WDHD1: variants seen among roughly 807,000 people sequenced by gnomAD.
WDHD1 encodes WD repeat and HMG-box DNA binding protein 1, also known as WD repeat and HMG-box DNA-binding protein 1.
A neutral mutation model predicts 135.4 loss-of-function variants in WDHD1; 111 were observed. That is an observed-to-expected ratio of 0.82 (90% CI 0.70 to 0.96). WDHD1 has a LOEUF of 0.96. Among genes scored for constraint, WDHD1 ranks in the 40% least tolerant of loss-of-function variants. WDHD1 has a pLI of 0.00. For missense variants in WDHD1, 1,351 were observed against 1,336.3 expected, an observed-to-expected ratio of 1.01 and a Z score of -0.17; for synonymous variants, 434 against 439.0, an observed-to-expected ratio of 0.99 and a Z score of 0.14.
At chr14:54,990,838 T>C (rs191158975) in intron 12 of WDHD1, among the ~76,000 whole-genome samples, 3 of 152,312 alleles carry the variant, frequency 2.0e-5, no homozygotes, top group East Asian at 3.9e-4. Context: ...ATTATACTAG[T>C]AGTTGCCTTC....
intron 2 of WDHD1, among the ~76,000 whole-genome samples, chr14:55,016,292 G>C (rs188933221): frequency 1.3e-4 from 20 of 152,192 alleles, no homozygotes; most frequent in African/African-American, 4.1e-4. Flanking sequence ...CCTTTCAGTG[G>C]TAATGAGCTA....
rs866054556 is a variant in WDHD1 at position 55,000,654 on chromosome 14, A to G, written c.801-10T>C. 4 of 1,528,238 alleles carry G rather than the reference A, an allele frequency of 2.6e-6. No individual in the cohort carries two copies. In the African/African-American group the frequency reaches 5.6e-5, roughly 21 times the overall value. The allele number at this position is 1,528,238 out of a possible 1,614,324, so 94.7% of individuals were successfully genotyped here. A position where few individuals can be genotyped will look rare whatever the true frequency, so the allele number is the denominator to read the frequency against. On this transcript the variant is annotated splice_polypyrimidine_tract_variant and intron_variant, in intron 9 of 25. Transcript: ENST00000360586. ...TTTCTCATGTTTCACCCTAAAAATT[A>G]AAAAGTAGGTTCTAAAAATACTGTC...
At chr14:54,996,490 C>T (rs559358504) in intron 10 of WDHD1, among the ~76,000 whole-genome samples, 1 of 152,214 alleles carries the variant, frequency 6.6e-6, no homozygotes, top group East Asian at 1.9e-4. Flanking sequence ...GTCCCAGCTA[C>T]CTGCGAGGCT....
intron 23 of WDHD1, among the ~76,000 whole-genome samples, 198 bp downstream of exon 23, chr14:54,956,836 C>T (rs143168095): frequency 1.8e-3 from 270 of 152,232 alleles, no homozygotes; most frequent in Middle Eastern, 6.8e-3. Flanking sequence ...GTGATCCTCC[C>T]ACCTCAGCCT....
Position 54,969,318 on chromosome 14 carries a change from G to A in WDHD1, c.2064-1924C>T, listed in dbSNP as rs187792504. 9.3e-3 allele frequency among the ~76,000 whole-genome samples: 1,364 copies of A among 146,588 alleles called. 6 individuals carry two copies. Among genetic ancestry groups the A allele is most frequent in the Non-Finnish European group, 0.014 (923 of 67,284 alleles). ...TGGGATTACAGGCGTGAGCCACCGC[G>A]CCCAGCATTAAGACTCCGTTTCAAG... On this transcript the variant is annotated intron_variant, in intron 16 of 25. Coordinates refer to ENST00000360586, the MANE Select transcript of WDHD1 (RefSeq NM_007086.4).
intron 11 of WDHD1, among the ~76,000 whole-genome samples, chr14:54,992,858 A>C (rs2041813940): frequency 6.6e-6 from 1 of 152,188 alleles, no homozygotes; most frequent in Non-Finnish European, 1.5e-5. Flanking sequence ...GGTTACAGTG[A>C]GGTGTGATGA....
intron 16 of WDHD1, among the ~76,000 whole-genome samples, chr14:54,974,418 G>A (rs1280671726): frequency 1.3e-5 from 2 of 149,012 alleles, no homozygotes; most frequent in African/African-American, 2.5e-5. Flanking sequence ...GGGCAACAGA[G>A]AGAGATTCTG....
At chr14:54,979,914 T>A (rs527765013) in intron 16 of WDHD1, among the ~76,000 whole-genome samples, 90 of 152,352 alleles carry the variant, frequency 5.9e-4, no homozygotes, top group African/African-American at 2.1e-3. Flanking sequence ...ACTTAACACA[T>A]CTTGCAGATT....
chr14:54,954,165 A>G (rs1360901486), intron 24 of WDHD1, among the ~76,000 whole-genome samples: 1 of 151,924 alleles, frequency 6.6e-6, no homozygotes, highest in Non-Finnish European at 1.5e-5. Context: ...GTATGCCTGC[A>G]ATCCCAGCTA....
In WDHD1 at chr14:55,000,567, G is replaced by A. The variant is rs774828027; in HGVS notation, c.878C>T (p.Ala293Val). The A allele has an allele frequency of 1.1e-5, 17 of 1,608,980 alleles. No homozygotes were observed. The Middle Eastern group carries it at 5.0e-4, about 47-fold the overall frequency. The change falls in exon 10 of 26, where the codon GCG becomes GTG. Residue 293 changes from alanine to valine, a missense_variant. Physicochemically the swap from Ala to Val is moderately conservative, Grantham distance 64 (BLOSUM62 0). This residue lies in a region of WDHD1 where 1,330 missense variants were observed against 1,296.1 expected (regional missense o/e 1.03). Coordinates refer to ENST00000360586, the MANE Select transcript of WDHD1 (RefSeq NM_007086.4). ...CTCTAGAAGCCCTAGATTTCCTTCC[G>A]CATCAGTATACGATATTCGACCACA... ...PTCGRISYTD[A>V]EGNLGLLENV...
At chr14:54,987,443 T>C (rs1796631077) in intron 13 of WDHD1, 56 bp from the exon 14 acceptor site, 1 of 1,406,424 alleles carries the variant, frequency 7.1e-7, no homozygotes, top group Admixed American at 2.1e-5. Flanking sequence ...TTTACATATA[T>C]ATATATATAA....
At chr14:54,972,277 CA>C (rs1201910146) in intron 16 of WDHD1, among the ~76,000 whole-genome samples, 86 of 113,174 alleles carry the variant, frequency 7.6e-4, no homozygotes, top group Admixed American at 1.3e-3. Flanking sequence ...TCGGTCTCAC[CA>C]AAAAAAAAAA....
chr14:54,968,832 G>C (rs1055279559), intron 16 of WDHD1, among the ~76,000 whole-genome samples: 2 of 152,132 alleles, frequency 1.3e-5, no homozygotes, highest in African/African-American at 2.4e-5. Flanking sequence ...CTTGAGGTCA[G>C]AAGTTTGACA....
chr14:54,979,893 G>T (rs958747672), intron 16 of WDHD1, among the ~76,000 whole-genome samples: 2 of 152,008 alleles, frequency 1.3e-5, no homozygotes, highest in Non-Finnish European at 2.9e-5. Flanking sequence ...TACACAAATG[G>T]TATTTATTTC....
intron 2 of WDHD1, among the ~76,000 whole-genome samples, chr14:55,020,640 C>T (rs1008462592): frequency 2.6e-5 from 4 of 152,042 alleles, no homozygotes; most frequent in African/African-American, 9.7e-5. Context: ...TTAGCCAGAA[C>T]CTCAACCCTG....
rs1366168911 is a variant in WDHD1, at chr14:55,026,813, T to G, written c.-16-10A>C. ...GTTTTCCTTTACCTATCTGAAAATG[T>G]TTTATAAAAGCCAGTCTTATTATTT... On this transcript the variant is annotated splice_polypyrimidine_tract_variant and intron_variant, in intron 1 of 25. Coordinates refer to ENST00000360586, the MANE Select transcript of WDHD1 (RefSeq NM_007086.4). 2 of 1,612,808 alleles carry G rather than the reference T, an allele frequency of 1.2e-6. No homozygotes were observed. The highest frequency in any genetic ancestry group is 3.3e-5 in the Admixed American group (2 of 60,004).
At chr14:54,985,788 A>G (rs2041685992) in intron 14 of WDHD1, among the ~76,000 whole-genome samples, 1 of 152,218 alleles carries the variant, frequency 6.6e-6, no homozygotes, top group Non-Finnish European at 1.5e-5. Flanking sequence ...GTGTTATTCC[A>G]TAGAATTGAC....
rs190711008 is a variant in WDHD1 at position 55,008,885 on chromosome 14, C to A, written c.342-166G>T. On this transcript the variant is annotated intron_variant, in intron 4 of 25. Transcript: ENST00000360586. ...GTGCGATCTCAACTGCAACCTCCGC[C>A]TCCCAGGTTCAAGCGATTCTCCTGC... Among the ~76,000 whole-genome samples the A allele has an allele frequency of 2.2e-3, 328 of 152,142 alleles. 2 individuals carry two copies. The highest frequency in any genetic ancestry group is 7.4e-3 in the African/African-American group (309 of 41,498).
At position 54,963,189 on chromosome 14, in the gene WDHD1, G is replaced by A. The variant is rs768807330; in HGVS notation, c.2311-17C>T. ...ACAAGAAAGCTAATCCAAAAAGGGG[G>A]GGGGGGGGGAGATCAAATAACATCA... On this transcript the variant is annotated splice_polypyrimidine_tract_variant and intron_variant, in intron 18 of 25. Coordinates refer to ENST00000360586, the MANE Select transcript of WDHD1 (RefSeq NM_007086.4). 5.9e-5 allele frequency: 57 copies of A among 966,494 alleles called. 2 individuals carry two copies. Among genetic ancestry groups the A allele is most frequent in the Admixed American group, 4.5e-4 (22 of 49,080 alleles). The allele number at this position is 966,494 out of a possible 1,614,324, so 59.9% of individuals were successfully genotyped here.
Sources: gnomAD v4.1 joint callset for allele counts (sites outside exome capture counted in the v4.1 genomes callset) on GRCh38, gnomAD v4.1.1 for gene constraint, gnomAD v4.1.1 regional missense constraint, MANE v1.5 for transcripts, NCBI Gene and HGNC (gene_info 2026-07-23, HGNC 2026-07-21) for gene names.